GSE1: variants seen among roughly 807,000 people sequenced by gnomAD.
GSE1 encodes genetic suppressor element 1.
In GSE1, 32 loss-of-function variants were observed where a neutral mutation model predicts 112.6. The ratio of observed to expected loss-of-function variants is 0.28; its 90% CI spans 0.21 to 0.38. GSE1 has a LOEUF of 0.38. GSE1 is among the 10% of genes least tolerant of loss of function. GSE1 has a pLI of 1.00. For synonymous variants in GSE1, 1,115 were observed against 735.6 expected (o/e 1.52, Z -8.35); for missense variants, 2,348 against 1,699.2 (o/e 1.38, Z -6.71).
chr16:85,196,465 A>G (rs1261184821), intron 1 of GSE1, among the ~76,000 whole-genome samples: 1 of 152,086 alleles, frequency 6.6e-6, no homozygotes, highest in Non-Finnish European at 1.5e-5. Flanking sequence ...GCTTGTCACA[A>G]TGAGTGTGTG....
rs1270743702 is a variant in GSE1, at chr16:85,512,502, G to A, written c.2465-121412G>A. Among the ~76,000 whole-genome samples the A allele has an allele frequency of 5.3e-5, 8 of 152,166 alleles. No individual in the cohort carries two copies. In the East Asian group the frequency reaches 1.2e-3, roughly 22 times the overall value. ...GAACCCCACGCTTCAAAGTGCTCAC[G>A]GGCTAATCCTGCCCCTTCCCCAAGA... On this transcript the variant is annotated intron_variant, in intron 2 of 2. Transcript: ENST00000637419.
intron 2 of GSE1, among the ~76,000 whole-genome samples, chr16:85,524,373 A>C (rs7500151): frequency 6.6e-6 from 1 of 151,658 alleles, no homozygotes; most frequent in Admixed American, 6.6e-5. Flanking sequence ...GCCTCTGTCT[A>C]CTTATCTAGT....
chr16:85,537,726 G>T (rs550641155), intron 2 of GSE1, among the ~76,000 whole-genome samples: 1 of 152,248 alleles, frequency 6.6e-6, no homozygotes, highest in African/African-American at 2.4e-5. Context: ...GGTGAAGGCC[G>T]AAGAGGCCCT....
At chr16:85,295,435 G>A (rs972280787) in intron 1 of GSE1, among the ~76,000 whole-genome samples, 4 of 152,242 alleles carry the variant, frequency 2.6e-5, no homozygotes, top group Non-Finnish European at 4.4e-5. Context: ...TCCACCGTGC[G>A]CGTAGACCGC....
chr16:85,664,763 G>C, intron 11 of GSE1: 1 of 417,200 alleles, frequency 2.4e-6, no homozygotes, highest in Non-Finnish European at 4.3e-6. Flanking sequence ...GTGATTCACA[G>C]AGGCGTCGTC....
At chr16:85,671,301 G>A (rs572954693) in intron 15 of GSE1, among the ~76,000 whole-genome samples, 31 of 151,466 alleles carry the variant, frequency 2.0e-4, no homozygotes, top group African/African-American at 7.0e-4. Context: ...TTAGCCGGGC[G>A]TAGTGGCGGG....
At chr16:85,669,699 G>A (rs1336745689) in intron 14 of GSE1, among the ~76,000 whole-genome samples, 31 of 152,256 alleles carry the variant, frequency 2.0e-4, no homozygotes, top group Non-Finnish European at 3.7e-4. Flanking sequence ...CCCCATGGCT[G>A]TCAGGCTATT....
At chr16:85,189,867 C>T (rs2074786066) in intron 1 of GSE1, among the ~76,000 whole-genome samples, 1 of 152,116 alleles carries the variant, frequency 6.6e-6, no homozygotes, top group African/African-American at 2.4e-5. Flanking sequence ...TGATGTCCCC[C>T]CTTTCATTCC....
intron 1 of GSE1, among the ~76,000 whole-genome samples, chr16:85,255,208 C>T (rs1906940453): frequency 6.6e-6 from 1 of 152,192 alleles, no homozygotes; most frequent in Admixed American, 6.5e-5. Flanking sequence ...GCTCCCCAGC[C>T]CTTCCAGAGG....
Position 85,373,151 on chromosome 16 carries a change from A to G in GSE1, c.2464+15508A>G, listed in dbSNP as rs1327295390. On this transcript the variant is annotated intron_variant, in intron 2 of 2. Transcript: ENST00000637419. The surrounding 1 kb of genome is among the most constrained non-coding windows in gnomAD (Gnocchi z 5.1). The stretch of plus-strand genomic sequence containing the variant: ...CAGGTGTCAGCAACAGCAGCAGCCA[A>G]TGTGGCCATGGGATGCCGGCTCCTT... Among the ~76,000 whole-genome samples the G allele has an allele frequency of 6.6e-6, 1 of 152,210 alleles. No individual in the cohort carries two copies. Among genetic ancestry groups the G allele is most frequent in the Non-Finnish European group, 1.5e-5 (1 of 68,036 alleles).
chr16:85,229,103 G>A (rs1217393256), intron 1 of GSE1, among the ~76,000 whole-genome samples: 1 of 152,250 alleles, frequency 6.6e-6, no homozygotes, highest in Non-Finnish European at 1.5e-5. Flanking sequence ...AGCCTGCAGC[G>A]TGGGGGTGGC....
chr16:85,292,142 CTTTTT>C (rs34933476), intron 1 of GSE1, among the ~76,000 whole-genome samples: 1 of 137,842 alleles, frequency 7.3e-6, no homozygotes, highest in Non-Finnish European at 1.6e-5. Flanking sequence ...AAGAATGAAC[CTTTTT>C]TTTTTTTTTT....
chr16:85,624,213 C>A (rs1214110802), intron 1 of GSE1, among the ~76,000 whole-genome samples: 1 of 152,186 alleles, frequency 6.6e-6, no homozygotes, highest in Non-Finnish European at 1.5e-5. Context: ...GATTTCCCTC[C>A]TGGGCACCTC....
rs368179124 is a variant in GSE1, at chr16:85,446,610, C to T, written c.2464+88967C>T. ...GCAGAGGGTAGCCCGGGGTGGGGCT[C>T]GACCCCTATGGGGTGTGGGTGGCTC... On this transcript the variant is annotated intron_variant, in intron 2 of 2. Coordinates refer to the GSE1 transcript ENST00000637419. Among the ~76,000 whole-genome samples the T allele has an allele frequency of 5.9e-5, 9 of 152,124 alleles. No homozygotes were observed. In the East Asian group the frequency reaches 9.7e-4, roughly 16 times the overall value.
intron 2 of GSE1, among the ~76,000 whole-genome samples, chr16:85,497,135 G>T (rs2051207546): frequency 6.6e-6 from 1 of 152,204 alleles, no homozygotes; most frequent in African/African-American, 2.4e-5. Context: ...CTGACCTCAG[G>T]TGATCCACCC....
chr16:85,240,415 G>C (rs1051866117), intron 1 of GSE1, among the ~76,000 whole-genome samples: 2 of 152,220 alleles, frequency 1.3e-5, no homozygotes, highest in African/African-American at 4.8e-5. Flanking sequence ...GGGGGGTGGA[G>C]TGTCAGCATC....
chr16:85,581,730 C>T (rs183611110), intron 1 of GSE1, among the ~76,000 whole-genome samples: 1 of 152,286 alleles, frequency 6.6e-6, no homozygotes, highest in East Asian at 1.9e-4. Flanking sequence ...TGACCTGTGA[C>T]CTGTCCCCTT....
At position 85,188,283 on chromosome 16, in the gene GSE1, C is replaced by T. The variant is rs1316148458; in HGVS notation, c.2283+16476C>T. Among the ~76,000 whole-genome samples, 3 of 152,204 alleles carry T rather than the reference C, an allele frequency of 2.0e-5. 1 individual carries two copies. Among genetic ancestry groups the T allele is most frequent in the Admixed American group, 1.3e-4 (2 of 15,292 alleles). On this transcript the variant is annotated intron_variant, in intron 1 of 2. Transcript: ENST00000637419. Reference sequence around the variant, plus strand: ...TGCTGCCTGACCGTCTGTCTGCGGGCCCTGTTCCCTCATCTGTATATGGGA... The same window carrying T: ...TGCTGCCTGACCGTCTGTCTGCGGGTCCTGTTCCCTCATCTGTATATGGGA...
At chr16:85,573,755 G>C (rs919401798) in intron 1 of GSE1, among the ~76,000 whole-genome samples, 1 of 152,220 alleles carries the variant, frequency 6.6e-6, no homozygotes, top group Non-Finnish European at 1.5e-5. Context: ...GTCTGGGCCC[G>C]GGAAGCATTT....
Sources: gnomAD v4.1 joint callset for allele counts (sites outside exome capture counted in the v4.1 genomes callset) on GRCh38, gnomAD v4.1.1 for gene constraint, Gnocchi (gnomAD v3.1) non-coding constraint, MANE v1.5 for transcripts, NCBI Gene and HGNC (gene_info 2026-07-23, HGNC 2026-07-21) for gene names.